ZHX2: variants seen among roughly 807,000 people sequenced by gnomAD.
ZHX2 encodes zinc fingers and homeoboxes protein 2.
ZHX2 carries 6 observed loss-of-function variants against 21.9 expected under a neutral mutation model. The observed-to-expected ratio is 0.27, with a 90% CI of 0.15 to 0.54. ZHX2 has a LOEUF of 0.54. Among genes scored for constraint, ZHX2 ranks in the 20% least tolerant of loss-of-function variants. The pLI is 0.95. For synonymous variants in ZHX2, 434 were observed against 437.1 expected (o/e 0.99, Z 0.09); for missense variants, 908 against 1,090.7 (o/e 0.83, Z 2.36).
At chr8:122,878,488 T>C (rs34830303) in intron 2 of ZHX2, among the ~76,000 whole-genome samples, 15,530 of 152,062 alleles carry the variant, frequency 0.1, 884 homozygotes, top group Non-Finnish European at 0.14. Flanking sequence ...CAGGGGTGAG[T>C]TGACAAAGCT....
At chr8:122,919,700 G>A (rs751435529) in intron 2 of ZHX2, among the ~76,000 whole-genome samples, 19 of 152,262 alleles carry the variant, frequency 1.2e-4, no homozygotes, top group Admixed American at 6.5e-5. Flanking sequence ...GTAGCATCCC[G>A]TTTTGCAGAT....
intron 1 of ZHX2, among the ~76,000 whole-genome samples, chr8:122,789,353 C>T (rs1172905106): frequency 6.6e-6 from 1 of 152,210 alleles, no homozygotes; most frequent in Non-Finnish European, 1.5e-5. Flanking sequence ...CTGAATTGCT[C>T]TAAGGACAAA....
intron 1 of ZHX2, among the ~76,000 whole-genome samples, chr8:122,794,086 C>A (rs1817574499): frequency 6.6e-6 from 1 of 152,174 alleles, no homozygotes; most frequent in Non-Finnish European, 1.5e-5. Flanking sequence ...CTACCCCAAC[C>A]CCCTGCCACC....
At chr8:122,914,253 G>T (rs1820546891) in intron 2 of ZHX2, among the ~76,000 whole-genome samples, 1 of 152,224 alleles carries the variant, frequency 6.6e-6, no homozygotes, top group South Asian at 2.1e-4. Context: ...CCCATGCTCT[G>T]CCAGGCAGCC....
chr8:122,820,546 C>T (rs536798390), intron 1 of ZHX2, among the ~76,000 whole-genome samples: 1 of 152,208 alleles, frequency 6.6e-6, no homozygotes, highest in East Asian at 1.9e-4. Flanking sequence ...GACAAGGGAG[C>T]GGGAGCGGGG....
chr8:122,898,265 G>C (rs563532105), intron 2 of ZHX2, among the ~76,000 whole-genome samples: 1 of 152,062 alleles, frequency 6.6e-6, no homozygotes, highest in South Asian at 2.1e-4. Flanking sequence ...TTAAATCACC[G>C]GAAAGAAATT....
chr8:122,792,145 C>T (rs1563731838), intron 1 of ZHX2, among the ~76,000 whole-genome samples: 1 of 152,070 alleles, frequency 6.6e-6, no homozygotes, highest in Non-Finnish European at 1.5e-5. Context: ...CTTCCACTCC[C>T]CGCCCACCTT....
rs113106929 is a variant in ZHX2 at position 122,782,191 on chromosome 8, A to AT, written c.-283+255dup. ...TGAGCGGATACAGAGAGGGAAGAAG[A>AT]TTTTTTTTTTAAGAGTTTTGATTAC... On this transcript the variant is annotated intron_variant, in intron 1 of 3. Transcript: ENST00000314393. The surrounding 1 kb of genome is among the most constrained non-coding windows in gnomAD (Gnocchi z 5.3). Among the ~76,000 whole-genome samples the AT allele has an allele frequency of 1.5e-4, 22 of 148,972 alleles. No individual in the cohort carries two copies. Among genetic ancestry groups the AT allele is most frequent in the Non-Finnish European group, 2.4e-4 (16 of 67,020 alleles).
intron 1 of ZHX2, among the ~76,000 whole-genome samples, chr8:122,796,819 G>T (rs1445045848): frequency 1.3e-5 from 2 of 152,188 alleles, no homozygotes; most frequent in Non-Finnish European, 2.9e-5. Flanking sequence ...AAAGAAGAGA[G>T]CAGTTCCAGT....
Position 122,953,462 on chromosome 8 carries a change from A to G in ZHX2, c.1952A>G (p.Gln651Arg). 1 of 1,614,222 alleles carries G rather than the reference A, an allele frequency of 6.2e-7. No individual in the cohort carries two copies. Among genetic ancestry groups the G allele is most frequent in the Non-Finnish European group, 8.5e-7 (1 of 1,180,040 alleles). The change falls in exon 3 of 4, where the codon CAG becomes CGG. Residue 651 changes from glutamine (Q) to arginine (R), a missense_variant. Transcript: ENST00000314393. The surrounding 1 kb of genome is among the most constrained non-coding windows in gnomAD (Gnocchi z 4.6). ...HLLRSTFART[Q>R]WPTPQEYDQL... The stretch of plus-strand genomic sequence containing the variant: ...CTGAGGAGCACGTTTGCAAGAACCC[A>G]GTGGCCTACTCCCCAGGAGTACGAC...
chr8:122,844,617 G>T (rs1323869881), intron 1 of ZHX2, among the ~76,000 whole-genome samples: 2 of 152,156 alleles, frequency 1.3e-5, no homozygotes, highest in African/African-American at 4.8e-5. Context: ...AGGAGGTCAG[G>T]GTGAGGGAAG....
intron 1 of ZHX2, among the ~76,000 whole-genome samples, chr8:122,792,291 C>T (rs1338876927): frequency 6.6e-6 from 1 of 152,136 alleles, no homozygotes; most frequent in Non-Finnish European, 1.5e-5. Context: ...GAGGTTCATC[C>T]GCGTTGTAGC....
chr8:122,821,120 T>C (rs761840974), intron 1 of ZHX2, among the ~76,000 whole-genome samples: 2 of 152,160 alleles, frequency 1.3e-5, no homozygotes, highest in Non-Finnish European at 2.9e-5. Flanking sequence ...GGGTGGGCAA[T>C]GTTCTCGCGA....
At chr8:122,914,181 AG>A (rs772390832) in intron 2 of ZHX2, among the ~76,000 whole-genome samples, 9 of 152,230 alleles carry the variant, frequency 5.9e-5, no homozygotes, top group Non-Finnish European at 1.2e-4. Context: ...AGAAGGAAGC[AG>A]GCAAGCCAGC....
chr8:122,907,287 C>T (rs1280661800), intron 2 of ZHX2, among the ~76,000 whole-genome samples: 1 of 152,106 alleles, frequency 6.6e-6, no homozygotes, highest in East Asian at 1.9e-4. Context: ...AGACATCAAT[C>T]AGCATATGTA....
At chr8:122,940,138 G>A (rs566917937) in intron 2 of ZHX2, among the ~76,000 whole-genome samples, 9 of 152,286 alleles carry the variant, frequency 5.9e-5, no homozygotes, top group African/African-American at 1.9e-4. Context: ...TAAGGCTGTG[G>A]CCAGAGAAAA....
At chr8:122,924,287 G>A (rs1055539531) in intron 2 of ZHX2, among the ~76,000 whole-genome samples, 16 of 152,052 alleles carry the variant, frequency 1.1e-4, no homozygotes, top group African/African-American at 3.6e-4. Flanking sequence ...GCTTGCATAC[G>A]GCCATCTTCT....
chr8:122,787,375 A>C lies in ZHX2; in HGVS notation c.-283+5429A>C, dbSNP rs147967560. On this transcript the variant is annotated intron_variant, in intron 1 of 3. Transcript: ENST00000314393. ...CATTGTTTCACTGCAATGGTATTTA[A>C]CACATAACAGAATCTGCAGTGAATG... 4.2e-3 allele frequency among the ~76,000 whole-genome samples: 647 copies of C among 152,316 alleles called. 1 individual carries two copies. The highest frequency in any genetic ancestry group is 0.015 in the African/African-American group (621 of 41,562).
At chr8:122,797,409 CTG>C (rs776942682) in intron 1 of ZHX2, among the ~76,000 whole-genome samples, 39 of 152,290 alleles carry the variant, frequency 2.6e-4, no homozygotes, top group Non-Finnish European at 3.7e-4. Context: ...AGCCTGGAGA[CTG>C]TGGGGGAAGC....
Sources: allele counts gnomAD v4.1 joint callset (sites outside exome capture counted in the v4.1 genomes callset), GRCh38; gene constraint gnomAD v4.1.1; non-coding constraint Gnocchi (gnomAD v3.1); transcripts MANE v1.5; gene names NCBI Gene and HGNC (gene_info 2026-07-23, HGNC 2026-07-21).